KRABD5: variants seen among roughly 807,000 people sequenced by gnomAD.
KRABD5 encodes KRAB domain-containing protein 5.
At chr16:31,750,892 T>C in the KRABD5 span, among the ~76,000 whole-genome samples, 5 of 152,128 alleles carry the variant, frequency 3.3e-5, no homozygotes, top group Non-Finnish European at 7.4e-5. Flanking sequence ...CCAGAGTACC[T>C]GTGACTACAG....
At chr16:31,723,205 T>G in the KRABD5 span, 18 of 1,571,776 alleles carry the variant, frequency 1.1e-5, no homozygotes, top group Non-Finnish European at 1.6e-5. Context: ...CCTACTGAGC[T>G]GGCAATTAAA....
the KRABD5 span, among the ~76,000 whole-genome samples, chr16:31,747,936 A>T: frequency 3.9e-5 from 6 of 152,116 alleles, no homozygotes; most frequent in African/African-American, 4.8e-5. Context: ...CCCATTCTGG[A>T]TGTTGCCTCT....
At chr16:31,729,023 A>G in the KRABD5 span, among the ~76,000 whole-genome samples, 2 of 152,154 alleles carry the variant, frequency 1.3e-5, no homozygotes, top group Admixed American at 1.3e-4. Flanking sequence ...CTATTATTAT[A>G]TAGTTAACTC....
At chr16:31,713,482 C>T in the KRABD5 span, 8 of 1,582,422 alleles carry the variant, frequency 5.1e-6, no homozygotes, top group South Asian at 1.1e-5. Flanking sequence ...GAGGGGCGGT[C>T]GGAAGCGGCG....
At chr16:31,731,772 A>G in the KRABD5 span, among the ~76,000 whole-genome samples, 1 of 152,184 alleles carries the variant, frequency 6.6e-6, no homozygotes, top group African/African-American at 2.4e-5. Context: ...TCCCAGGTTG[A>G]GCAAAACTCC....
the KRABD5 span, chr16:31,755,118 G>A: frequency 2.0e-6 from 1 of 491,186 alleles, no homozygotes; most frequent in South Asian, 1.5e-5. Flanking sequence ...ATTCATACTG[G>A]AGAGAAACCC....
chr16:31,721,106 C>T, the KRABD5 span, among the ~76,000 whole-genome samples: 1 of 152,050 alleles, frequency 6.6e-6, no homozygotes, highest in Non-Finnish European at 1.5e-5. Context: ...GGGAAAAGAA[C>T]TAGACTCAGA....
the KRABD5 span, chr16:31,755,990 G>A: frequency 6.3e-6 from 1 of 159,742 alleles, no homozygotes; most frequent in Non-Finnish European, 1.4e-5. Context: ...AAGCATTGAT[G>A]TTTGGACAAG....
At chr16:31,739,142 C>T in the KRABD5 span, among the ~76,000 whole-genome samples, 1 of 152,114 alleles carries the variant, frequency 6.6e-6, no homozygotes, top group East Asian at 1.9e-4. Context: ...TACCAGAACA[C>T]TTTATATTTT....
the KRABD5 span, chr16:31,754,578 A>T: frequency 2.0e-6 from 1 of 502,320 alleles, no homozygotes; most frequent in Non-Finnish European, 3.9e-6. Context: ...GCCTTTCATG[A>T]ATGCACCAAC....
chr16:31,719,986 A>G, the KRABD5 span, among the ~76,000 whole-genome samples: 2 of 152,204 alleles, frequency 1.3e-5, no homozygotes, highest in South Asian at 4.1e-4. Context: ...ACAGGGAAAC[A>G]GAAGAAGAGA....
the KRABD5 span, chr16:31,713,395 C>G: frequency 1.9e-6 from 3 of 1,600,208 alleles, no homozygotes; most frequent in Non-Finnish European, 2.6e-6. Context: ...ACCGGGAGAT[C>G]CGTAGCTCAG....
the KRABD5 span, among the ~76,000 whole-genome samples, chr16:31,741,506 TG>T: frequency 6.6e-6 from 1 of 152,218 alleles, no homozygotes; most frequent in Admixed American, 6.5e-5. Context: ...CTATTCTGAG[TG>T]GTGTAAATAG....
At chr16:31,724,456 T>G in the KRABD5 span, among the ~76,000 whole-genome samples, 3 of 151,710 alleles carry the variant, frequency 2.0e-5, no homozygotes, top group Non-Finnish European at 4.4e-5. Flanking sequence ...GGGAGGCCGA[T>G]GCAGGCGGAT....
the KRABD5 span, chr16:31,756,218 TG>T: frequency 6.6e-6 from 1 of 152,212 alleles, no homozygotes; most frequent in African/African-American, 2.4e-5. Context: ...TAATGGCAAA[TG>T]TAAAATACAT....
chr16:31,758,338 A>T, the KRABD5 span: 2 of 152,206 alleles, frequency 1.3e-5, no homozygotes, highest in African/African-American at 4.8e-5. Context: ...GGAAAGAAGG[A>T]ATGAAATCTA....
At chr16:31,747,563 A>G in the KRABD5 span, among the ~76,000 whole-genome samples, 1 of 152,212 alleles carries the variant, frequency 6.6e-6, no homozygotes, top group Non-Finnish European at 1.5e-5. Flanking sequence ...AGGAATCGCC[A>G]CACCGACTTC....
At chr16:31,757,889 GATA>G in the KRABD5 span, 1 of 149,016 alleles carries the variant, frequency 6.7e-6, no homozygotes, top group Non-Finnish European at 1.5e-5. Context: ...TAGATAGATA[GATA>G]GATGAAGCGA....
the KRABD5 span, chr16:31,757,127 C>G: frequency 1.3e-5 from 2 of 152,130 alleles, no homozygotes; most frequent in African/African-American, 4.8e-5. Flanking sequence ...AGCTTATAAA[C>G]TATTACTTAT....
Sources: gnomAD v4.1 joint callset for allele counts (sites outside exome capture counted in the v4.1 genomes callset) on GRCh38, gnomAD v4.1.1 for gene constraint, MANE v1.5 for transcripts, NCBI Gene and HGNC (gene_info 2026-07-23, HGNC 2026-07-21) for gene names.